Variants in RAP1GAP2 observed in about 807,000 individuals in gnomAD.
RAP1GAP2 encodes the protein RAP1 GTPase activating protein 2, also known as rap1 GTPase-activating protein 2.
A neutral mutation model predicts 95.0 loss-of-function variants in RAP1GAP2; 27 were observed. The observed-to-expected ratio is 0.28, with a 90% CI of 0.21 to 0.39. RAP1GAP2 has a LOEUF of 0.39. Among genes scored for constraint, RAP1GAP2 ranks in the 10% least tolerant of loss-of-function variants. RAP1GAP2 has a pLI of 1.00. For missense variants in RAP1GAP2, 771 were observed against 970.0 expected (o/e 0.79, Z 2.72); for synonymous variants, 373 against 380.9 (o/e 0.98, Z 0.24).
At chr17:2,875,721 CCTGT>C (rs1018409712) in intron 2 of RAP1GAP2, among the ~76,000 whole-genome samples, 3 of 152,080 alleles carry the variant, frequency 2.0e-5, no homozygotes, top group African/African-American at 7.2e-5. Flanking sequence ...CGTCTCGCCG[CCTGT>C]CTGTCTCATC....
chr17:2,905,928 C>T (rs138913979), intron 3 of RAP1GAP2, among the ~76,000 whole-genome samples: 66 of 152,338 alleles, frequency 4.3e-4, no homozygotes, highest in Non-Finnish European at 8.2e-4. Context: ...CACTCCTGGA[C>T]GGGAGCCGAG....
At chr17:2,849,305 A>ATT (rs763771886) in intron 2 of RAP1GAP2, among the ~76,000 whole-genome samples, 3 of 151,994 alleles carry the variant, frequency 2.0e-5, no homozygotes, top group African/African-American at 4.8e-5. Flanking sequence ...CCAGCCCAGA[A>ATT]CGGTGGCAGT....
intron 18 of RAP1GAP2, 101 bp downstream of exon 18, chr17:3,018,299 T>C: frequency 7.0e-7 from 1 of 1,426,334 alleles, no homozygotes; most frequent in Non-Finnish European, 9.3e-7. Context: ...GCAGGTGACT[T>C]GATCAGGGCA....
intron 3 of RAP1GAP2, among the ~76,000 whole-genome samples, chr17:2,938,612 T>C (rs1210140154): frequency 1.3e-5 from 2 of 152,186 alleles, no homozygotes; most frequent in Non-Finnish European, 2.9e-5. Context: ...TTACAGGGCA[T>C]GAGCACTGCT....
chr17:2,957,143 GA>G (rs35079286), intron 3 of RAP1GAP2, among the ~76,000 whole-genome samples: 251 of 143,924 alleles, frequency 1.7e-3, no homozygotes, highest in Admixed American at 3.5e-3. Flanking sequence ...AAAAAAAAAA[GA>G]AAAAAAAAAT....
intron 3 of RAP1GAP2, among the ~76,000 whole-genome samples, chr17:2,922,826 G>GTTTTT (rs138075669): frequency 9.6e-5 from 9 of 93,726 alleles, no homozygotes; most frequent in African/African-American, 2.0e-4. Context: ...TTTTCTTTTT[G>GTTTTT]TTTTTGTTTT....
intron 2 of RAP1GAP2, among the ~76,000 whole-genome samples, chr17:2,892,945 T>C (rs2073768922): frequency 6.6e-6 from 1 of 152,180 alleles, no homozygotes; most frequent in Admixed American, 6.5e-5. Context: ...CCTCTTTTGT[T>C]TTCTGTATCT....
intron 3 of RAP1GAP2, among the ~76,000 whole-genome samples, chr17:2,953,368 T>C (rs4506934): frequency 0.11 from 16,498 of 152,010 alleles, 933 homozygotes; most frequent in South Asian, 0.19. Flanking sequence ...TCTGGCTGTT[T>C]TTATAAAATT....
At position 2,984,773 on chromosome 17, in the gene RAP1GAP2, G is replaced by T. The variant is rs17221975; in HGVS notation, c.730-210G>T. Among the ~76,000 whole-genome samples, 2,164 of 152,212 alleles carry T rather than the reference G, an allele frequency of 0.014. 170 individuals are homozygous for T. The East Asian group carries it at 0.21, about 15-fold the overall frequency. The stretch of plus-strand genomic sequence containing the variant: ...TGATACAGAGGTTTGGTTCCTACTG[G>T]GGAAGCCCAAGTTTTAGAAGCTAGC... On this transcript the variant is annotated intron_variant, in intron 10 of 24. Coordinates refer to ENST00000254695, the MANE Select transcript of RAP1GAP2 (RefSeq NM_015085.5).
At chr17:3,030,480 A>G (rs546369437) in intron 22 of RAP1GAP2, among the ~76,000 whole-genome samples, 2 of 152,260 alleles carry the variant, frequency 1.3e-5, no homozygotes, top group African/African-American at 4.8e-5. Flanking sequence ...GTGTAAATAC[A>G]CTTGTCGTGG....
In RAP1GAP2 at chr17:3,006,057, C is replaced by T; in HGVS notation, c.1359+16C>T. 6.3e-7 allele frequency: 1 copy of T among 1,579,878 alleles called. No individual in the cohort carries two copies. Among genetic ancestry groups the T allele is most frequent in the Non-Finnish European group, 8.6e-7 (1 of 1,157,964 alleles). The stretch of plus-strand genomic sequence containing the variant: ...AAAGCTGGAGGTGAGAGTGTGGTTT[C>T]TGAAGGTCTCCCTCCTGACTGCTGG... On this transcript the variant is annotated intron_variant, in intron 16 of 24. Coordinates refer to ENST00000254695, the MANE Select transcript of RAP1GAP2 (RefSeq NM_015085.5).
chr17:2,766,263 G>A lies in RAP1GAP2; in HGVS notation c.51-4066G>A, dbSNP rs183318863. On this transcript the variant is annotated intron_variant, in intron 1 of 25. Transcript: ENST00000637138. ...TTATGAACTGAATGTTTGTGTCCCC[G>A]GAAATTCATAGGTTGAAATCCTAGC... is the stretch of plus-strand genomic sequence containing the variant. Among the ~76,000 whole-genome samples the A allele has an allele frequency of 2.8e-4, 43 of 152,254 alleles. No individual in the cohort carries two copies. The South Asian group carries it at 8.5e-3, about 30-fold the overall frequency.
chr17:2,943,686 AACAAACAAAAAC>A (rs1294065141), intron 3 of RAP1GAP2, among the ~76,000 whole-genome samples: 1 of 152,038 alleles, frequency 6.6e-6, no homozygotes, highest in African/African-American at 2.4e-5. Context: ...AACAAAAAAA[AACAAACAAAAAC>A]CAAACAAAAA....
chr17:2,971,168 A>T (rs2044852667), intron 8 of RAP1GAP2, among the ~76,000 whole-genome samples: 1 of 152,238 alleles, frequency 6.6e-6, no homozygotes, highest in Admixed American at 6.5e-5. Flanking sequence ...CATTTCAGAG[A>T]GCAAGCTCTC....
At chr17:2,756,877 G>T (rs554645874) in intron 1 of RAP1GAP2, among the ~76,000 whole-genome samples, 1 of 152,242 alleles carries the variant, frequency 6.6e-6, no homozygotes, top group South Asian at 2.1e-4. Flanking sequence ...CCCAACAAGC[G>T]CATGGTAGAG....
intron 1 of RAP1GAP2, among the ~76,000 whole-genome samples, chr17:2,766,608 TAA>T (rs372761020): frequency 6.9e-6 from 1 of 143,924 alleles, no homozygotes; most frequent in Admixed American, 7.0e-5. Context: ...AGACTCCGTC[TAA>T]AAAAAAAAAA....
intron 3 of RAP1GAP2, among the ~76,000 whole-genome samples, chr17:2,928,621 C>T (rs1378529914): frequency 1.3e-5 from 2 of 152,136 alleles, no homozygotes; most frequent in Non-Finnish European, 2.9e-5. Flanking sequence ...GGGCAGTCAG[C>T]GAGGCTCCGG....
chr17:2,847,810 A>G (rs2071654499), intron 2 of RAP1GAP2, among the ~76,000 whole-genome samples: 1 of 152,148 alleles, frequency 6.6e-6, no homozygotes, highest in Non-Finnish European at 1.5e-5. Flanking sequence ...CCTCAGCCTC[A>G]TCCGCTCCTG....
chr17:2,907,531 A>G (rs1412111732), intron 3 of RAP1GAP2, among the ~76,000 whole-genome samples: 3 of 152,144 alleles, frequency 2.0e-5, no homozygotes, highest in Non-Finnish European at 4.4e-5. Flanking sequence ...GGTGAAGCAC[A>G]GCATAGCTCA....
Sources: allele counts gnomAD v4.1 joint callset (sites outside exome capture counted in the v4.1 genomes callset), GRCh38; gene constraint gnomAD v4.1.1; transcripts MANE v1.5; gene names NCBI Gene and HGNC (gene_info 2026-07-23, HGNC 2026-07-21).